The following TTC23 variants were observed in gnomAD, a reference collection of about 807,000 sequenced individuals.
TTC23 encodes tetratricopeptide repeat protein 23.
Under a neutral mutation model 55.1 loss-of-function variants are expected in TTC23, and 58 were observed. The ratio of observed to expected loss-of-function variants is 1.05; its 90% CI spans 0.85 to 1.31. The LOEUF (loss-of-function observed/expected upper bound fraction) is 1.31, where lower values mean the gene tolerates loss of function less well. Ranked by LOEUF, TTC23 falls within the 50% of genes most tolerant of loss-of-function variation. The probability of loss-of-function intolerance (pLI) is 0.00; values close to 1 mark genes in which losing one functional copy is unlikely to be tolerated. For synonymous variants in TTC23, 203 were observed against 199.9 expected, an observed-to-expected ratio of 1.02 and a Z score of -0.13; for missense variants, 516 against 534.4, an observed-to-expected ratio of 0.97 and a Z score of 0.34.
At chr15:99,217,903 T>C (rs527445462) in intron 8 of TTC23, among the ~76,000 whole-genome samples, 2 of 152,308 alleles carry the variant, frequency 1.3e-5, no homozygotes, top group East Asian at 3.9e-4. Flanking sequence ...ACTGAATTCT[T>C]CCGGCTTTGG....
chr15:99,185,267 T>C (rs1408088431), intron 9 of TTC23, among the ~76,000 whole-genome samples: 2 of 152,196 alleles, frequency 1.3e-5, no homozygotes, highest in African/African-American at 4.8e-5. Flanking sequence ...ATTGATTGCA[T>C]ATGTATAGCA....
chr15:99,219,118 G>C (rs1487406104), intron 6 of TTC23, 70 bp from the exon 7 acceptor site: 4 of 1,541,806 alleles, frequency 2.6e-6, no homozygotes, highest in Non-Finnish European at 3.5e-6. Flanking sequence ...GTTCCTTATG[G>C]TCTGGGAATC....
intron 9 of TTC23, among the ~76,000 whole-genome samples, chr15:99,188,466 A>G (rs1222840559): frequency 6.6e-6 from 1 of 152,076 alleles, no homozygotes; most frequent in African/African-American, 2.4e-5. Context: ...TAAATGGGTA[A>G]ATTTGTGGTA....
chr15:99,147,875 C>T (rs917005932), intron 12 of TTC23, among the ~76,000 whole-genome samples: 2 of 151,896 alleles, frequency 1.3e-5, no homozygotes, highest in Non-Finnish European at 2.9e-5. Flanking sequence ...ATATGCAGGA[C>T]AACAAGGAAA....
chr15:99,189,111 A>G (rs1422395846), intron 9 of TTC23, among the ~76,000 whole-genome samples: 1 of 152,184 alleles, frequency 6.6e-6, no homozygotes, highest in Non-Finnish European at 1.5e-5. Context: ...AACCCATAGT[A>G]CATACATAAA....
intron 3 of TTC23, among the ~76,000 whole-genome samples, chr15:99,237,811 T>C (rs886217015): frequency 6.6e-6 from 1 of 152,190 alleles, no homozygotes; most frequent in Non-Finnish European, 1.5e-5. Context: ...GCAAATTGTA[T>C]ACTTTTATGC....
At chr15:99,228,051 C>T (rs1220216959) in intron 5 of TTC23, among the ~76,000 whole-genome samples, 1 of 152,190 alleles carries the variant, frequency 6.6e-6, no homozygotes. Flanking sequence ...TTCTGTGCCC[C>T]TGGCACCTAC....
intron 9 of TTC23, among the ~76,000 whole-genome samples, chr15:99,182,246 TCTCACACACA>T (rs1189275762): frequency 3.5e-4 from 40 of 112,820 alleles, no homozygotes; most frequent in African/African-American, 1.0e-3. Flanking sequence ...TCTCTCTCTC[TCTCACACACA>T]CACACACACA....
intron 9 of TTC23, among the ~76,000 whole-genome samples, chr15:99,185,427 A>AT (rs2074571881): frequency 6.6e-6 from 1 of 152,140 alleles, no homozygotes; most frequent in African/African-American, 2.4e-5. Flanking sequence ...CTAAAGCTAG[A>AT]TTTTCTGGCT....
At chr15:99,248,037 C>A (rs1204935718) in intron 1 of TTC23, among the ~76,000 whole-genome samples, 1 of 152,104 alleles carries the variant, frequency 6.6e-6, no homozygotes. Flanking sequence ...ACGGGGCAAC[C>A]ATGACTCCCC....
At chr15:99,199,741 A>C (rs2076047107) in intron 9 of TTC23, among the ~76,000 whole-genome samples, 178 bp downstream of exon 9, 1 of 152,218 alleles carries the variant, frequency 6.6e-6, no homozygotes, top group African/African-American at 2.4e-5. Context: ...AAGTACCAGC[A>C]CTTGCCCACG....
intron 1 of TTC23, among the ~76,000 whole-genome samples, chr15:99,246,778 G>A (rs2080280299): frequency 6.6e-6 from 1 of 152,026 alleles, no homozygotes; most frequent in Admixed American, 6.6e-5. Flanking sequence ...AAATTAGCTG[G>A]GCGTGGTCGT....
At chr15:99,180,608 T>C (rs1479260155) in intron 9 of TTC23, among the ~76,000 whole-genome samples, 5 of 152,202 alleles carry the variant, frequency 3.3e-5, no homozygotes, top group African/African-American at 9.6e-5. Flanking sequence ...GACACTTCTA[T>C]TTCTGCAGGC....
intron 10 of TTC23, among the ~76,000 whole-genome samples, chr15:99,165,200 G>A (rs1164041340): frequency 3.9e-5 from 6 of 152,180 alleles, no homozygotes; most frequent in Non-Finnish European, 7.3e-5. Flanking sequence ...AATGGACATT[G>A]AGAGGACAGA....
intron 12 of TTC23, chr15:99,155,771 T>G: frequency 3.7e-6 from 1 of 273,118 alleles, no homozygotes; most frequent in Non-Finnish European, 6.9e-6. Context: ...GATCCATTCC[T>G]CATGCCATCC....
intron 9 of TTC23, among the ~76,000 whole-genome samples, chr15:99,183,944 T>C (rs1315446835): frequency 6.6e-6 from 1 of 152,134 alleles, no homozygotes; most frequent in African/African-American, 2.4e-5. Flanking sequence ...GCCTAGGGAC[T>C]CGGTGCCTTG....
chr15:99,162,917 A>G (rs1167661627), intron 10 of TTC23, among the ~76,000 whole-genome samples: 1 of 151,880 alleles, frequency 6.6e-6, no homozygotes, highest in Non-Finnish European at 1.5e-5. Flanking sequence ...AAAAATAAAC[A>G]ATACCAAAAA....
chr15:99,214,304 G>A (rs926028904), intron 8 of TTC23, among the ~76,000 whole-genome samples: 2 of 151,824 alleles, frequency 1.3e-5, no homozygotes, highest in African/African-American at 2.4e-5. Flanking sequence ...TCAAGAGATC[G>A]AGACCATCCT....
chr15:99,243,562 A>G (rs1216899825), intron 2 of TTC23, among the ~76,000 whole-genome samples: 2 of 152,360 alleles, frequency 1.3e-5, no homozygotes, highest in East Asian at 3.9e-4. Flanking sequence ...AGCTCTATCC[A>G]CAACAGCCAA....
Sources: gnomAD v4.1 joint callset for allele counts (sites outside exome capture counted in the v4.1 genomes callset) on GRCh38, gnomAD v4.1.1 for gene constraint, MANE v1.5 for transcripts, NCBI Gene and HGNC (gene_info 2026-07-23, HGNC 2026-07-21) for gene names.